SOX6: variants seen among roughly 807,000 people sequenced by gnomAD.
SOX6 encodes the protein transcription factor SOX-6.
In SOX6, 11 loss-of-function variants were observed where a neutral mutation model predicts 97.8. That is an observed-to-expected ratio of 0.11 (90% confidence interval 0.07 to 0.19). The LOEUF is 0.19. Among genes scored for constraint, SOX6 ranks in the 10% least tolerant of loss-of-function variants. SOX6 has a pLI of 1.00. For missense variants in SOX6, 810 were observed against 1,039.5 expected (o/e 0.78, Z 3.04); for synonymous variants, 360 against 371.4 (o/e 0.97, Z 0.35).
chr11:16,545,748 T>A (rs1847613329), intron 4 of SOX6, among the ~76,000 whole-genome samples: 1 of 152,056 alleles, frequency 6.6e-6, no homozygotes, highest in Non-Finnish European at 1.5e-5. Flanking sequence ...GCCCAGGAGT[T>A]CAAGACTACC....
intron 3 of SOX6, among the ~76,000 whole-genome samples, chr11:16,238,063 T>C (rs12291226): frequency 6.6e-6 from 1 of 151,962 alleles, no homozygotes; most frequent in Non-Finnish European, 1.5e-5. Flanking sequence ...CCTCTTACTT[T>C]GAAAGAATCT....
chr11:16,327,726 G>A (rs1260602594), intron 2 of SOX6, among the ~76,000 whole-genome samples: 1 of 152,084 alleles, frequency 6.6e-6, no homozygotes, highest in Non-Finnish European at 1.5e-5. Flanking sequence ...GTGGGCTGGG[G>A]TTGCAAAAGT....
chr11:16,130,299 T>C (rs1019161953), intron 6 of SOX6, among the ~76,000 whole-genome samples: 6 of 151,978 alleles, frequency 3.9e-5, no homozygotes, highest in Non-Finnish European at 8.8e-5. Flanking sequence ...ATAGTTAATA[T>C]TGTATTGTAC....
At chr11:16,121,265 A>G (rs1446092303) in intron 6 of SOX6, among the ~76,000 whole-genome samples, 1 of 152,076 alleles carries the variant, frequency 6.6e-6, no homozygotes, top group Non-Finnish European at 1.5e-5. Flanking sequence ...AATTCCTAGT[A>G]TCTCTTACTT....
intron 1 of SOX6, among the ~76,000 whole-genome samples, chr11:16,423,824 A>G (rs577012055): frequency 1.3e-5 from 2 of 152,336 alleles, no homozygotes; most frequent in South Asian, 4.1e-4. Flanking sequence ...TAGAAAGTAC[A>G]GAGTGAAAAC....
rs531569502 is a variant in SOX6, at chr11:16,432,028, C to CT, written c.-5+44286dup. Among the ~76,000 whole-genome samples, 29 of 152,114 alleles carry CT rather than the reference C, an allele frequency of 1.9e-4. No homozygotes were observed. The South Asian group carries it at 5.2e-3, about 27-fold the overall frequency. ...TTTGGGGATTTTCCCTAAAAGTTCC[C>CT]TTAGCAAACCAATCACCACTAAGTC... On this transcript the variant is annotated intron_variant, in intron 1 of 15. Coordinates refer to the SOX6 transcript ENST00000396356.
intron 1 of SOX6, among the ~76,000 whole-genome samples, chr11:16,467,229 C>T (rs1259672445): frequency 6.6e-6 from 1 of 152,090 alleles, no homozygotes; most frequent in Non-Finnish European, 1.5e-5. Flanking sequence ...GACAGTGTGA[C>T]GATTCCTCAA....
rs1853842280 is a variant in SOX6 at position 15,986,428 on chromosome 11, T to C, written c.1967-8A>G. Reference sequence around the variant, plus strand: ...TTGATTTCCAGCGAGATCCTAGAAATAAAAATAGCCTTAAGTACCCAAGTG... The same window carrying C: ...TTGATTTCCAGCGAGATCCTAGAAACAAAAATAGCCTTAAGTACCCAAGTG... On this transcript the variant is annotated splice_region_variant and splice_polypyrimidine_tract_variant and intron_variant, in intron 14 of 15. Coordinates refer to ENST00000683767, the MANE Select transcript of SOX6 (RefSeq NM_001367873.1). 6.2e-7 allele frequency: 1 copy of C among 1,613,774 alleles called. No homozygotes were observed. The highest frequency in any genetic ancestry group is 2.2e-5 in the East Asian group (1 of 44,842).
At chr11:16,094,927 A>G (rs1848762243) in intron 9 of SOX6, among the ~76,000 whole-genome samples, 1 of 151,770 alleles carries the variant, frequency 6.6e-6, no homozygotes, top group Admixed American at 6.6e-5. Context: ...TTTTCTTAGG[A>G]GTGATCATTC....
chr11:16,025,118 T>A (rs1410881752), intron 12 of SOX6, among the ~76,000 whole-genome samples: 1 of 152,188 alleles, frequency 6.6e-6, no homozygotes, highest in East Asian at 1.9e-4. Flanking sequence ...CTCATTCATA[T>A]GGTTTTAATA....
intron 1 of SOX6, among the ~76,000 whole-genome samples, chr11:16,417,365 G>A (rs915320368): frequency 6.6e-6 from 1 of 152,080 alleles, no homozygotes; most frequent in Non-Finnish European, 1.5e-5. Context: ...AAAAATTCAC[G>A]ACTGTGATTG....
chr11:16,422,080 C>A (rs1488634257), intron 1 of SOX6, among the ~76,000 whole-genome samples: 1 of 152,152 alleles, frequency 6.6e-6, no homozygotes, highest in Non-Finnish European at 1.5e-5. Context: ...TTTCAAGATA[C>A]TGCTGCATTA....
rs187809664 is a variant in SOX6 at position 16,183,845 on chromosome 11, T to C, written c.777+41A>G. ...TAAATTCCATTTTCAAGGAGGAAAG[T>C]ATCTAAGTATAATCAGACGAGAGTA... On this transcript the variant is annotated intron_variant, in intron 6 of 15. Transcript: ENST00000683767. The C allele has an allele frequency of 5.8e-5, 91 of 1,576,676 alleles. No homozygotes were observed. The Middle Eastern group carries it at 1.0e-3, about 17-fold the overall frequency.
At chr11:16,486,671 G>A (rs913535288) in intron 4 of SOX6, among the ~76,000 whole-genome samples, 3 of 152,054 alleles carry the variant, frequency 2.0e-5, no homozygotes, top group African/African-American at 7.2e-5. Flanking sequence ...GACCAGCCTG[G>A]CCAACATGGT....
intron 4 of SOX6, among the ~76,000 whole-genome samples, chr11:16,209,695 G>C (rs1374524407): frequency 6.6e-6 from 1 of 152,142 alleles, no homozygotes; most frequent in Non-Finnish European, 1.5e-5. Flanking sequence ...GGAGATGGTA[G>C]TGAGCTAAGC....
intron 10 of SOX6, among the ~76,000 whole-genome samples, chr11:16,053,109 G>C (rs1847724923): frequency 6.6e-6 from 1 of 152,056 alleles, no homozygotes; most frequent in African/African-American, 2.4e-5. Flanking sequence ...CCTAAACTCT[G>C]AACTCTGTCT....
At chr11:16,027,710 A>C (rs974769239) in intron 12 of SOX6, among the ~76,000 whole-genome samples, 4 of 152,222 alleles carry the variant, frequency 2.6e-5, no homozygotes, top group Non-Finnish European at 5.9e-5. Flanking sequence ...GGAATGTCTC[A>C]AGTCAGCAAC....
intron 4 of SOX6, among the ~76,000 whole-genome samples, chr11:16,516,244 T>C (rs1258924645): frequency 2.2e-4 from 34 of 151,916 alleles, no homozygotes. Context: ...TTTGTAGTTC[T>C]CCTTGAAGAG....
At chr11:16,735,958 A>G (rs1039854731) in intron 2 of SOX6, among the ~76,000 whole-genome samples, 1 of 152,194 alleles carries the variant, frequency 6.6e-6, no homozygotes, top group African/African-American at 2.4e-5. Context: ...CTCGACAAAC[A>G]TCTGTGACTG....
Sources: gnomAD v4.1 joint callset for allele counts (sites outside exome capture counted in the v4.1 genomes callset) on GRCh38, gnomAD v4.1.1 for gene constraint, MANE v1.5 for transcripts, NCBI Gene and HGNC (gene_info 2026-07-23, HGNC 2026-07-21) for gene names.